ZSCAN25: variants seen among roughly 807,000 people sequenced by gnomAD.
ZSCAN25 encodes zinc finger and SCAN domain-containing protein 25.
Under a neutral mutation model 38.7 loss-of-function variants are expected in ZSCAN25, and 27 were observed. The observed-to-expected ratio is 0.70, with a 90% confidence interval of 0.51 to 0.96. ZSCAN25 has a LOEUF of 0.96. Ranked by LOEUF, ZSCAN25 falls within the 40% of genes least tolerant of loss-of-function variation. The pLI, the probability that ZSCAN25 is intolerant of heterozygous loss-of-function variation, is 0.00. For missense variants in ZSCAN25, 637 were observed against 705.9 expected (o/e 0.90, Z 1.11); for synonymous variants, 273 against 277.7 (o/e 0.98, Z 0.17).
At chr7:99,700,445 C>T in the ZSCAN25 span, among the ~76,000 whole-genome samples, 159 of 152,208 alleles carry the variant, frequency 1.0e-3, 1 homozygote, top group Non-Finnish European at 1.6e-3. Context: ...AGATCTTTAC[C>T]CATGCAATTC....
the ZSCAN25 span, among the ~76,000 whole-genome samples, chr7:99,657,377 A>G: frequency 6.6e-6 from 1 of 152,114 alleles, no homozygotes; most frequent in African/African-American, 2.4e-5. Flanking sequence ...TTCAGTTTCC[A>G]TGTAGTTGAG....
chr7:99,733,389 C>T, the ZSCAN25 span, among the ~76,000 whole-genome samples: 1 of 152,300 alleles, frequency 6.6e-6, no homozygotes, highest in South Asian at 2.1e-4. Context: ...TTTCCAGCTC[C>T]CCTCTGTTTG....
the ZSCAN25 span, chr7:99,705,514 C>T: frequency 1.4e-5 from 23 of 1,613,350 alleles, no homozygotes; most frequent in South Asian, 3.3e-5. Context: ...GCTCCACTTA[C>T]GGTCTCATCC....
chr7:99,735,395 CA>C, the ZSCAN25 span, among the ~76,000 whole-genome samples: 1 of 152,162 alleles, frequency 6.6e-6, no homozygotes, highest in Non-Finnish European at 1.5e-5. Context: ...ACAACTCAAT[CA>C]ATGTTACTGG....
the ZSCAN25 span, chr7:99,660,072 C>G: frequency 4.6e-4 from 192 of 413,230 alleles, no homozygotes; most frequent in Non-Finnish European, 6.1e-4. Flanking sequence ...ACCCACTGTC[C>G]TGCACCCACT....
chr7:99,701,658 A>T, the ZSCAN25 span, among the ~76,000 whole-genome samples: 1 of 152,232 alleles, frequency 6.6e-6, no homozygotes, highest in South Asian at 2.1e-4. Flanking sequence ...GGGAGAGATG[A>T]CATTGTAGTT....
the ZSCAN25 span, among the ~76,000 whole-genome samples, chr7:99,682,402 G>A: frequency 6.6e-6 from 1 of 152,198 alleles, no homozygotes; most frequent in African/African-American, 2.4e-5. Context: ...CCCAGTGTAT[G>A]TTCTTGACAA....
the ZSCAN25 span, chr7:99,722,496 AAAC>A: frequency 3.0e-6 from 3 of 987,984 alleles, no homozygotes; most frequent in South Asian, 4.9e-5. Context: ...AAGAGAAAGG[AAAC>A]AAAATAGAGG....
intron 4 of ZSCAN25, 133 bp downstream of exon 4, chr7:99,620,126 G>T: frequency 1.5e-6 from 2 of 1,329,014 alleles, no homozygotes; most frequent in Non-Finnish European, 1.0e-6. Context: ...ACTCCCTGAG[G>T]TTCTTTTTGG....
the ZSCAN25 span, among the ~76,000 whole-genome samples, chr7:99,681,818 T>C: frequency 6.6e-6 from 1 of 152,216 alleles, no homozygotes; most frequent in South Asian, 2.1e-4. Flanking sequence ...CTTGATCTGA[T>C]CCATTTGTCC....
In ZSCAN25 at chr7:99,631,292, C is replaced by T. The variant is rs1251919997; in HGVS notation, c.*1272C>T. ...CTGGACACCCACTGGGGATGATGAG[C>T]TGGTAGCGACCTGTTTTGCATGAGT... On this transcript the variant is annotated 3_prime_UTR_variant, in exon 8 of 8. Transcript: ENST00000394152. 1 of 985,204 alleles carries T rather than the reference C, an allele frequency of 1.0e-6. No individual in the cohort carries two copies. Among genetic ancestry groups the T allele is most frequent in the Non-Finnish European group, 1.2e-6 (1 of 829,936 alleles). The allele number at this position is 985,204 out of a possible 1,614,324, so 61.0% of individuals were successfully genotyped here.
the ZSCAN25 span, chr7:99,638,762 C>G: frequency 9.4e-7 from 1 of 1,060,368 alleles, no homozygotes. Flanking sequence ...AGCACTTTCC[C>G]CATCGCGTCA....
chr7:99,689,118 A>G, the ZSCAN25 span, among the ~76,000 whole-genome samples: 3 of 152,236 alleles, frequency 2.0e-5, no homozygotes, highest in Non-Finnish European at 2.9e-5. Context: ...CTAGAAAAGC[A>G]AGAGCAAACA....
At chr7:99,648,988 A>G in the ZSCAN25 span, among the ~76,000 whole-genome samples, 1 of 152,176 alleles carries the variant, frequency 6.6e-6, no homozygotes, top group Non-Finnish European at 1.5e-5. Flanking sequence ...CTCAAGTTGT[A>G]CAGTGTTTTG....
At chr7:99,700,300 G>C in the ZSCAN25 span, among the ~76,000 whole-genome samples, 1 of 152,134 alleles carries the variant, frequency 6.6e-6, no homozygotes, top group Non-Finnish European at 1.5e-5. Context: ...GGAGTCCACG[G>C]AACCTGAGTT....
the ZSCAN25 span, chr7:99,660,588 C>A: frequency 1.2e-6 from 2 of 1,613,936 alleles, no homozygotes; most frequent in Non-Finnish European, 1.7e-6. Context: ...AAGGAAAGAA[C>A]ACTGCTGGTG....
At chr7:99,722,467 G>A in the ZSCAN25 span, 6 of 1,270,764 alleles carry the variant, frequency 4.7e-6, no homozygotes, top group Non-Finnish European at 5.5e-6. Context: ...GTTAGAGGAA[G>A]CTTATTTAGA....
chr7:99,693,308 C>T, the ZSCAN25 span, among the ~76,000 whole-genome samples: 1 of 152,156 alleles, frequency 6.6e-6, no homozygotes, highest in Non-Finnish European at 1.5e-5. Flanking sequence ...AAGTGTCTGT[C>T]GGCCTCTACT....
At chr7:99,717,454 A>T in the ZSCAN25 span, 2 of 1,598,220 alleles carry the variant, frequency 1.3e-6, no homozygotes, top group Middle Eastern at 1.7e-4. Flanking sequence ...AGGAACTCTG[A>T]TCTTACTTTC....
Sources: allele counts gnomAD v4.1 joint callset (sites outside exome capture counted in the v4.1 genomes callset), GRCh38; gene constraint gnomAD v4.1.1; transcripts MANE v1.5; gene names NCBI Gene and HGNC (gene_info 2026-07-23, HGNC 2026-07-21).